ATP13A3: variants seen among roughly 807,000 people sequenced by gnomAD.
ATP13A3 encodes polyamine-transporting ATPase 13A3.
In ATP13A3, 59 loss-of-function variants were observed where a neutral mutation model predicts 158.1. The observed-to-expected ratio is 0.37, with a 90% CI of 0.30 to 0.46. The LOEUF (loss-of-function observed/expected upper bound fraction) is 0.46, where lower values mean the gene tolerates loss of function less well. Among genes scored for constraint, ATP13A3 ranks in the 20% least tolerant of loss-of-function variants. The pLI, the probability that ATP13A3 is intolerant of heterozygous loss-of-function variation, is 1.00. For missense variants in ATP13A3, 1,166 were observed against 1,525.2 expected, an observed-to-expected ratio of 0.76 and a Z score of 3.92; for synonymous variants, 491 against 504.3, an observed-to-expected ratio of 0.97 and a Z score of 0.35.
chr3:194,430,127 C>A lies in ATP13A3; in HGVS notation c.2722G>T (p.Ala908Ser). 2 of 1,614,090 alleles carry A rather than the reference C, an allele frequency of 1.2e-6. No homozygotes were observed. The highest frequency in any genetic ancestry group is 1.7e-6 in the Non-Finnish European group (2 of 1,180,002). ...GGAGTCTTAGAGGTAAAGGGAGATG[C>A]CACTGAAGCTTCGAGCTCCGATAAG... ...ISLSELEASV[A>S]SPFTSKTPSI... is the part of the protein sequence containing the mutation. Residue 908 changes from alanine (A) to serine (S), a missense_variant, in exon 26 of 34, where the codon GCA becomes TCA. By Grantham distance (99) the Ala-to-Ser change is moderately conservative (BLOSUM62 1). Coordinates refer to ENST00000645319, the MANE Select transcript of ATP13A3 (RefSeq NM_001367549.1).
At chr3:194,481,712 G>A (rs1372924560) in intron 2 of ATP13A3, among the ~76,000 whole-genome samples, 1 of 152,166 alleles carries the variant, frequency 6.6e-6, no homozygotes, top group Admixed American at 6.5e-5. Context: ...CTTCAAACTT[G>A]AGAAAGATTC....
At chr3:194,491,821 C>T (rs1369038903), upstream of ATP13A3, among the ~76,000 whole-genome samples, 15 of 142,636 alleles carry the variant, frequency 1.1e-4, no homozygotes, top group Non-Finnish European at 1.5e-4. Context: ...CTGGCATGCC[C>T]CCTCATCTCT....
At chr3:194,482,766 A>G (rs1368970220) in intron 2 of ATP13A3, among the ~76,000 whole-genome samples, 13 of 152,120 alleles carry the variant, frequency 8.5e-5, no homozygotes, top group Admixed American at 8.5e-4. Flanking sequence ...TGAGGCCAGG[A>G]GTTCTGAGAC....
rs1577072387 is a variant in ATP13A3 at position 194,454,482 on chromosome 3, A to G, written c.631-90T>C. 14 of 1,317,600 alleles carry G rather than the reference A, an allele frequency of 1.1e-5. No homozygotes were observed. The East Asian group carries it at 3.3e-4, about 32-fold the overall frequency. The allele number at this position is 1,317,600 out of a possible 1,614,324, so 81.6% of individuals were successfully genotyped here. A position where few individuals can be genotyped will look rare whatever the true frequency, so the allele number is the denominator to read the frequency against. The stretch of plus-strand genomic sequence containing the variant: ...TTTCATTTGACAAACAAAAAGATAC[A>G]AATATGTACAAGATAAGCTCCATAG... On this transcript the variant is annotated intron_variant, in intron 8 of 33. Transcript: ENST00000645319.
chr3:194,464,168 A>G (rs1427697716), intron 2 of ATP13A3, among the ~76,000 whole-genome samples: 2 of 152,206 alleles, frequency 1.3e-5, no homozygotes, highest in Non-Finnish European at 2.9e-5. Flanking sequence ...CTCAAAAAAG[A>G]GAAGGGTCTG....
At position 194,437,975 on chromosome 3, in the gene ATP13A3, C is replaced by T. The variant is rs554196630; in HGVS notation, c.1828-402G>A. 8.5e-5 allele frequency among the ~76,000 whole-genome samples: 13 copies of T among 152,240 alleles called. No individual in the cohort carries two copies. In the South Asian group the frequency reaches 2.1e-3, roughly 24 times the overall value. ...AGGAGATCGAGACCAGACTTATCAA[C>T]ATGGTGAAACCCCATCTCTACTAAA... On this transcript the variant is annotated intron_variant, in intron 17 of 33. Coordinates refer to ENST00000645319, the MANE Select transcript of ATP13A3 (RefSeq NM_001367549.1).
At position 194,447,877 on chromosome 3, in the gene ATP13A3, G is replaced by C. The variant is rs1324397409; in HGVS notation, c.1283C>G (p.Thr428Ser). 1 of 1,611,520 alleles carries C rather than the reference G, an allele frequency of 6.2e-7. No homozygotes were observed. The highest frequency in any genetic ancestry group is 8.5e-7 in the Non-Finnish European group (1 of 1,177,828). ...VAVAGIGFIYTIINSILNEVQ... is the reference protein window; with the variant it reads ...VAVAGIGFIYSIINSILNEVQ... ...CTCATTTAAAATGCTATTAATAATAGTGTAGATAAACCCAATGCCAGCAAC... is the reference window on the plus strand; with the variant it reads ...CTCATTTAAAATGCTATTAATAATACTGTAGATAAACCCAATGCCAGCAAC... Residue 428 changes from threonine (T) to serine (S), a missense_variant, in exon 13 of 34, where the codon ACT becomes AGT. By Grantham distance (58) the Thr-to-Ser change is moderately conservative (BLOSUM62 1). This residue lies in a region of ATP13A3 where 997 missense variants were observed against 1,341.2 expected (regional missense o/e 0.74). Transcript: ENST00000645319.
intron 10 of ATP13A3, chr3:194,450,513 C>T (rs964308513): frequency 5.5e-5 from 25 of 451,980 alleles, no homozygotes; most frequent in African/African-American, 2.6e-4. Context: ...TGCCAAGTAC[C>T]CTCTGACGAA....
At chr3:194,443,948 A>G (rs1718219570) in intron 15 of ATP13A3, among the ~76,000 whole-genome samples, 1 of 152,072 alleles carries the variant, frequency 6.6e-6, no homozygotes, top group Admixed American at 6.6e-5. Context: ...ATGCTAAATG[A>G]CCCTCCCTCC....
At chr3:194,450,496 C>T (rs1280899563) in intron 10 of ATP13A3, 1 of 487,856 alleles carries the variant, frequency 2.0e-6, no homozygotes, top group Non-Finnish European at 3.7e-6. Context: ...CAGCTGTGCA[C>T]CGGTGATGCC....
At chr3:194,428,155 A>G (rs1716945144) in intron 28 of ATP13A3, among the ~76,000 whole-genome samples, 1 of 147,312 alleles carries the variant, frequency 6.8e-6, no homozygotes, top group Non-Finnish European at 1.5e-5. Context: ...CGGGAGGCGG[A>G]GGTTGCAGTG....
intron 16 of ATP13A3, 131 bp downstream of exon 16, chr3:194,441,180 A>C (rs1326712609): frequency 1.4e-6 from 1 of 728,762 alleles, no homozygotes; most frequent in East Asian, 2.8e-5. Context: ...TTTAGAAATT[A>C]CATAGCTCCT....
intron 5 of ATP13A3, 35 bp from the exon 6 acceptor site, chr3:194,459,576 A>G: frequency 6.6e-7 from 1 of 1,518,502 alleles, no homozygotes; most frequent in South Asian, 1.1e-5. Flanking sequence ...ACCAAAAAGC[A>G]TATAATCACT....
At chr3:194,407,077 C>CT (rs1221439227) in intron 33 of ATP13A3, among the ~76,000 whole-genome samples, 1 of 152,102 alleles carries the variant, frequency 6.6e-6, no homozygotes, top group East Asian at 1.9e-4. Context: ...AATGTAAACT[C>CT]AATAGAGGGC....
intron 28 of ATP13A3, among the ~76,000 whole-genome samples, chr3:194,428,012 G>A (rs1363991765): frequency 2.6e-5 from 4 of 152,036 alleles, no homozygotes; most frequent in African/African-American, 9.7e-5. Context: ...CTTGAGGTCA[G>A]GAGTTAGAGA....
intron 28 of ATP13A3, among the ~76,000 whole-genome samples, chr3:194,427,632 CTACAATAAA>C (rs1438320705): frequency 3.0e-5 from 4 of 131,524 alleles, no homozygotes; most frequent in African/African-American, 1.1e-4. Flanking sequence ...AACCCCATCT[CTACAATAAA>C]TAAATAAATA....
upstream of ATP13A3, among the ~76,000 whole-genome samples, chr3:194,487,170 C>T (rs1165644447): frequency 1.3e-5 from 2 of 152,116 alleles, no homozygotes; most frequent in African/African-American, 2.4e-5. Context: ...AAGAAAGAGG[C>T]AGGTAAGGGG....
chr3:194,414,817 A>C (rs553377032), intron 31 of ATP13A3, among the ~76,000 whole-genome samples: 15 of 152,336 alleles, frequency 9.8e-5, no homozygotes, highest in African/African-American at 3.6e-4. Context: ...TTAGTTCTTA[A>C]AATGTTTAAA....
chr3:194,458,484 G>T (rs751873169), intron 6 of ATP13A3, among the ~76,000 whole-genome samples: 12 of 152,082 alleles, frequency 7.9e-5, no homozygotes, highest in Admixed American at 3.9e-4. Context: ...CGGCCCCCTG[G>T]GTTTGAGCGA....
Sources: gnomAD v4.1 joint callset for allele counts (sites outside exome capture counted in the v4.1 genomes callset) on GRCh38, gnomAD v4.1.1 for gene constraint, gnomAD v4.1.1 regional missense constraint, MANE v1.5 for transcripts, NCBI Gene and HGNC (gene_info 2026-07-23, HGNC 2026-07-21) for gene names.